Variants in MACF1 observed in about 807,000 individuals in gnomAD.
MACF1 encodes the protein microtubule actin crosslinking factor 1.
In MACF1, 193 loss-of-function variants were observed where a neutral mutation model predicts 854.8. The observed-to-expected ratio is 0.23, with a 90% CI of 0.20 to 0.25. The LOEUF (loss-of-function observed/expected upper bound fraction) is 0.25, where lower values mean the gene tolerates loss of function less well. Among genes scored for constraint, MACF1 ranks in the 10% least tolerant of loss-of-function variants. The pLI is 1.00. For missense variants in MACF1, 7,722 were observed against 8,929.1 expected, an observed-to-expected ratio of 0.86 and a Z score of 5.45; for synonymous variants, 3,185 against 3,226.7, an observed-to-expected ratio of 0.99 and a Z score of 0.44.
chr1:39,227,914 C>A (rs995929995), intron 1 of MACF1, among the ~76,000 whole-genome samples: 5 of 152,194 alleles, frequency 3.3e-5, no homozygotes, highest in Admixed American at 2.6e-4. Context: ...TTCATTAAGT[C>A]CCCCATATTT....
In MACF1 at chr1:39,387,593, A is replaced by G. The variant is rs140010098; in HGVS notation, c.14751A>G (p.Pro4917=). The change falls in exon 58 of 101, where the codon CCA becomes CCG. Residue 4917 remains proline, a synonymous_variant. Coordinates refer to ENST00000564288, the MANE Select transcript of MACF1 (RefSeq NM_001394062.1). ...AGTGGCATGTGGAAGACCTTGTGCCATGGATAGAAGATTGTAAAGCTAAGA... is the reference window on the plus strand; with the variant it reads ...AGTGGCATGTGGAAGACCTTGTGCCGTGGATAGAAGATTGTAAAGCTAAGA... The part of the protein sequence containing the change: ...KYQWHVEDLV[P]WIEDCKAKMS... 183 of 1,614,218 alleles carry G rather than the reference A, an allele frequency of 1.1e-4. 1 individual carries two copies. Among genetic ancestry groups the G allele is most frequent in the African/African-American group, 9.5e-4 (71 of 75,068 alleles).
At chr1:39,205,284 A>G (rs1264254479) in intron 1 of MACF1, among the ~76,000 whole-genome samples, 153 bp downstream of exon 1, 1 of 152,116 alleles carries the variant, frequency 6.6e-6, no homozygotes, top group Non-Finnish European at 1.5e-5. Flanking sequence ...GTGTGTGAGT[A>G]TAATGAAGAA....
intron 48 of MACF1, 94 bp from the exon 49 acceptor site, chr1:39,361,266 T>C (rs915577887): frequency 8.0e-7 from 1 of 1,253,044 alleles, no homozygotes; most frequent in Non-Finnish European, 1.1e-6. Context: ...AGTCCTCCAG[T>C]CCCCCTTGTG....
At chr1:39,093,169 A>C (rs1231425965) in intron 2 of MACF1, among the ~76,000 whole-genome samples, 1 of 152,176 alleles carries the variant, frequency 6.6e-6, no homozygotes, top group Non-Finnish European at 1.5e-5. Context: ...TCTCCCCGCC[A>C]GCAAGTTAAA....
In MACF1 at chr1:39,460,810, A is replaced by T; in HGVS notation, c.21523+16A>T. The T allele has an allele frequency of 6.2e-7, 1 of 1,613,678 alleles. No homozygotes were observed. Among genetic ancestry groups the T allele is most frequent in the Non-Finnish European group, 8.5e-7 (1 of 1,179,594 alleles). ...TTAGCATCCAGTGAGTCTAGTCATC[A>T]TTCCAAACATGGGTCACACCTGGAT... On this transcript the variant is annotated intron_variant, in intron 92 of 100. Transcript: ENST00000564288. The surrounding 1 kb of genome is among the most constrained non-coding windows in gnomAD (Gnocchi z 4.1).
At chr1:39,146,772 C>T (rs562687039) in intron 2 of MACF1, among the ~76,000 whole-genome samples, 1 of 151,604 alleles carries the variant, frequency 6.6e-6, no homozygotes, top group Admixed American at 6.6e-5. Flanking sequence ...TAAATAAAAC[C>T]TAGTATTTGC....
At position 39,406,745 on chromosome 1, in the gene MACF1, A is replaced by ACAAAAC. The variant is rs796545686; in HGVS notation, c.15817-15629_15817-15628insCAAAAC. ...GTGAGACAGAGTCTCACTCAAAAAAAAAAAAAAAAAAAACATTCTTTATAA... is the reference window on the plus strand; with the variant it reads ...GTGAGACAGAGTCTCACTCAAAAAAACAAAACAAAAAAAAAAAAACATTCTTTATAA... On this transcript the variant is annotated intron_variant, in intron 58 of 100. Coordinates refer to ENST00000564288, the MANE Select transcript of MACF1 (RefSeq NM_001394062.1). Among the ~76,000 whole-genome samples, 49 of 147,436 alleles carry ACAAAAC rather than the reference A, an allele frequency of 3.3e-4. 2 individuals are homozygous for ACAAAAC. The highest frequency in any genetic ancestry group is 1.3e-3 in the African/African-American group (48 of 37,738).
At chr1:39,085,419 C>T (rs1641646681) in intron 2 of MACF1, among the ~76,000 whole-genome samples, 2 of 152,114 alleles carry the variant, frequency 1.3e-5, no homozygotes, top group South Asian at 2.1e-4. Context: ...TGACATCACC[C>T]GCTTTCAAGC....
Position 39,357,605 on chromosome 1 carries a change from T to C in MACF1, c.11655T>C (p.Asp3885=). 6.2e-7 allele frequency: 1 copy of C among 1,614,014 alleles called. No homozygotes were observed. Among genetic ancestry groups the C allele is most frequent in the Non-Finnish European group, 8.5e-7 (1 of 1,180,010 alleles). ...LQDELQKFLQ[D]HKEFESWLER... Reference sequence around the variant, plus strand: ...ATGAGTTGCAGAAATTTCTGCAGGATCATAAAGAGTTTGAAAGCTGGTTGG... The same window carrying C: ...ATGAGTTGCAGAAATTTCTGCAGGACCATAAAGAGTTTGAAAGCTGGTTGG... The change falls in exon 45 of 101, where the codon GAT becomes GAC. Residue 3885 remains aspartate, a synonymous_variant. Coordinates refer to ENST00000564288, the MANE Select transcript of MACF1 (RefSeq NM_001394062.1).
At chr1:39,318,390 C>A in intron 29 of MACF1, 63 bp from the exon 30 acceptor site, 5 of 1,442,652 alleles carry the variant, frequency 3.5e-6, no homozygotes, top group South Asian at 1.2e-5. Context: ...GAGGGAATTA[C>A]CTCATTTACT....
intron 52 of MACF1, among the ~76,000 whole-genome samples, chr1:39,374,829 TGCCGG>T (rs1371211067): frequency 6.6e-6 from 1 of 152,034 alleles, no homozygotes; most frequent in Non-Finnish European, 1.5e-5. Flanking sequence ...TTTTGTTGGC[TGCCGG>T]GCGCAGTGGC....
chr1:39,096,471 T>G (rs1293639788), intron 2 of MACF1, among the ~76,000 whole-genome samples: 1 of 151,640 alleles, frequency 6.6e-6, no homozygotes, highest in Non-Finnish European at 1.5e-5. Flanking sequence ...ATGCCTGTAA[T>G]CCTAGCTACT....
intron 88 of MACF1, among the ~76,000 whole-genome samples, chr1:39,454,189 A>G (rs561800028): frequency 1.2e-4 from 18 of 152,332 alleles, no homozygotes; most frequent in African/African-American, 4.3e-4. Context: ...TGTTCAGTAA[A>G]TACAGTCAGC....
At chr1:39,330,345 GTT>G (rs1646696476) in intron 36 of MACF1, among the ~76,000 whole-genome samples, 1 of 152,178 alleles carries the variant, frequency 6.6e-6, no homozygotes, top group Non-Finnish European at 1.5e-5. Context: ...ACACAGGCCT[GTT>G]TACTGGGATG....
At chr1:39,280,515 A>G (rs1645522853) in intron 6 of MACF1, among the ~76,000 whole-genome samples, 3 of 152,174 alleles carry the variant, frequency 2.0e-5, no homozygotes, top group African/African-American at 2.4e-5. Context: ...CGTGCAGTCT[A>G]GGGGAGATAA....
At chr1:39,325,886 G>T (rs756999721) in intron 35 of MACF1, among the ~76,000 whole-genome samples, 1 of 152,164 alleles carries the variant, frequency 6.6e-6, no homozygotes, top group Non-Finnish European at 1.5e-5. Flanking sequence ...CAAGAGGATT[G>T]TCAGGAAGTA....
At chr1:39,197,652 G>C (rs984678559) in intron 2 of MACF1, among the ~76,000 whole-genome samples, 1 of 152,184 alleles carries the variant, frequency 6.6e-6, no homozygotes, top group African/African-American at 2.4e-5. Context: ...GGAGGCAGAG[G>C]CGGGAGGGTC....
chr1:39,481,168 G>T (rs2275765), intron 99 of MACF1, 138 bp downstream of exon 99: 2 of 563,966 alleles, frequency 3.5e-6, no homozygotes, highest in East Asian at 6.0e-5. Flanking sequence ...GATTCATCTA[G>T]TCCAGTGTTT....
At chr1:39,339,380 G>A (rs1028941367) in intron 38 of MACF1, among the ~76,000 whole-genome samples, 10 of 152,280 alleles carry the variant, frequency 6.6e-5, no homozygotes, top group Middle Eastern at 3.4e-3. Context: ...GGAAACACTC[G>A]TCTCACAGAA....
Sources: gnomAD v4.1 joint callset for allele counts (sites outside exome capture counted in the v4.1 genomes callset) on GRCh38, gnomAD v4.1.1 for gene constraint, Gnocchi (gnomAD v3.1) non-coding constraint, MANE v1.5 for transcripts, NCBI Gene and HGNC (gene_info 2026-07-23, HGNC 2026-07-21) for gene names.